CLMN: variants seen among roughly 807,000 people sequenced by gnomAD.
CLMN encodes the protein calmin (calponin-like, transmembrane).
Under a neutral mutation model 92.7 loss-of-function variants are expected in CLMN, and 57 were observed. The ratio of observed to expected loss-of-function variants is 0.61; its 90% CI spans 0.50 to 0.77. The LOEUF (loss-of-function observed/expected upper bound fraction) is 0.77. Ranked by LOEUF, CLMN falls within the 30% of genes least tolerant of loss-of-function variation. The pLI, the probability that CLMN is intolerant of heterozygous loss-of-function variation, is 0.00. For synonymous variants in CLMN, 466 were observed against 470.6 expected, an observed-to-expected ratio of 0.99 and a Z score of 0.13; for missense variants, 1,158 against 1,237.5, an observed-to-expected ratio of 0.94 and a Z score of 0.96.
In CLMN at chr14:95,189,323, G is replaced by C. The variant is rs1461210076; in HGVS notation, c.*2241C>G. 1 of 152,240 alleles carries C rather than the reference G, an allele frequency of 6.6e-6. No individual in the cohort carries two copies. Among genetic ancestry groups the C allele is most frequent in the South Asian group, 2.1e-4 (1 of 4,834 alleles). The allele number at this position is 152,240 out of a possible 1,614,324, so 9.4% of individuals were successfully genotyped here. ...AGCAGCGAGACTTAGGGGACTGCTA[G>C]TTCTTGTTAAAAGCCTTATTGTATT... is the stretch of plus-strand genomic sequence containing the variant. On this transcript the variant is annotated 3_prime_UTR_variant, in exon 13 of 13. Coordinates refer to ENST00000298912, the MANE Select transcript of CLMN (RefSeq NM_024734.4).
chr14:95,254,763 T>C (rs1898927669), intron 1 of CLMN, among the ~76,000 whole-genome samples: 1 of 152,190 alleles, frequency 6.6e-6, no homozygotes, highest in Non-Finnish European at 1.5e-5. Context: ...AGTGGTGCAA[T>C]TACGGCTCAC....
At chr14:95,232,812 T>C (rs530145016) in intron 1 of CLMN, among the ~76,000 whole-genome samples, 10 of 152,338 alleles carry the variant, frequency 6.6e-5, no homozygotes, top group African/African-American at 2.4e-4. Flanking sequence ...CTTTATTCTC[T>C]CTGATGGCTA....
intron 1 of CLMN, among the ~76,000 whole-genome samples, chr14:95,286,404 T>A (rs1900344224): frequency 6.6e-6 from 1 of 152,212 alleles, no homozygotes. Flanking sequence ...TCTGCTTCCA[T>A]TTAAATGAAG....
At chr14:95,303,754 C>T (rs1348754713) in intron 1 of CLMN, among the ~76,000 whole-genome samples, 1 of 152,314 alleles carries the variant, frequency 6.6e-6, no homozygotes, top group East Asian at 1.9e-4. Flanking sequence ...ACCCATTTAC[C>T]AGCCTCCCAT....
intron 1 of CLMN, among the ~76,000 whole-genome samples, chr14:95,268,090 C>T (rs1211068189): frequency 3.3e-5 from 5 of 152,036 alleles, no homozygotes; most frequent in Admixed American, 6.5e-5. Flanking sequence ...GGAATAAGAC[C>T]TAGTGTTCAA....
In CLMN at chr14:95,268,769, T is replaced by C. The variant is rs8007920; in HGVS notation, c.83-38636A>G. 3.4e-3 allele frequency among the ~76,000 whole-genome samples: 509 copies of C among 149,446 alleles called. 10 individuals carry two copies. Among genetic ancestry groups the C allele is most frequent in the African/African-American group, 0.012 (492 of 40,734 alleles). On this transcript the variant is annotated intron_variant, in intron 1 of 12. Coordinates refer to ENST00000298912, the MANE Select transcript of CLMN (RefSeq NM_024734.4). The stretch of plus-strand genomic sequence containing the variant: ...ACCACTGCAGAAACTAGTGAGGGTA[T>C]ACTGGGACCTCTCTCTCTCTCTCTC...
chr14:95,260,165 G>A (rs1461478427), intron 1 of CLMN, among the ~76,000 whole-genome samples: 1 of 152,198 alleles, frequency 6.6e-6, no homozygotes, highest in African/African-American at 2.4e-5. Context: ...CAAAAAGCCA[G>A]GCGCAGTGGC....
chr14:95,275,279 G>A (rs760403127), intron 1 of CLMN, among the ~76,000 whole-genome samples: 14 of 152,108 alleles, frequency 9.2e-5, no homozygotes, highest in Admixed American at 4.6e-4. Flanking sequence ...ACAGGAGGCC[G>A]GTGCAAGACA....
chr14:95,216,168 A>G (rs928607040), intron 4 of CLMN, among the ~76,000 whole-genome samples: 6 of 152,296 alleles, frequency 3.9e-5, no homozygotes, highest in East Asian at 3.9e-4. Context: ...GGGAAGCAAG[A>G]CACGTCTCAC....
chr14:95,274,925 A>G (rs914175487), intron 1 of CLMN, among the ~76,000 whole-genome samples: 1 of 150,482 alleles, frequency 6.6e-6, no homozygotes, highest in Non-Finnish European at 1.5e-5. Context: ...GGTTGCAGTG[A>G]GATGAGATAG....
intron 6 of CLMN, among the ~76,000 whole-genome samples, chr14:95,211,664 A>AC (rs1220559241): frequency 6.7e-6 from 1 of 149,974 alleles, no homozygotes; most frequent in Non-Finnish European, 1.5e-5. Flanking sequence ...AAAAAAAAAA[A>AC]AACCAAAAAC....
At chr14:95,257,539 G>A (rs935536209) in intron 1 of CLMN, among the ~76,000 whole-genome samples, 16 of 152,190 alleles carry the variant, frequency 1.1e-4, no homozygotes, top group African/African-American at 1.9e-4. Context: ...TGGGTGGGAC[G>A]GCACGCAAGC....
chr14:95,241,829 C>T (rs777764238), intron 1 of CLMN, among the ~76,000 whole-genome samples: 2 of 152,128 alleles, frequency 1.3e-5, no homozygotes, highest in Admixed American at 1.3e-4. Flanking sequence ...TCATGCACGC[C>T]TGTGTGTGTG....
intron 2 of CLMN, among the ~76,000 whole-genome samples, chr14:95,227,246 C>T (rs529238637): frequency 4.7e-4 from 71 of 152,302 alleles, no homozygotes; most frequent in African/African-American, 1.7e-3. Context: ...GTGGCATTTC[C>T]TTACCCTTTA....
chr14:95,227,981 G>T (rs950506594), intron 2 of CLMN, among the ~76,000 whole-genome samples: 7 of 152,118 alleles, frequency 4.6e-5, no homozygotes, highest in Non-Finnish European at 1.0e-4. Flanking sequence ...TCAGTTTCAG[G>T]TGCTATCTGA....
chr14:95,312,675 A>C (rs1179080827), intron 1 of CLMN, among the ~76,000 whole-genome samples: 3 of 152,136 alleles, frequency 2.0e-5, no homozygotes, highest in African/African-American at 7.2e-5. Context: ...TGGAAAGAAG[A>C]GTGATTCCTT....
rs1566856777 is a variant in CLMN at position 95,194,497 on chromosome 14, CA to C, written c.2769+38del. The C allele has an allele frequency of 7.4e-6, 12 of 1,613,850 alleles. No individual in the cohort carries two copies. Among genetic ancestry groups the C allele is most frequent in the Non-Finnish European group, 8.5e-6 (10 of 1,179,780 alleles). ...GGAAGGATGGAAAGGAATTGATTAG[CA>C]GGGGCCGTGCGGAAAGAGAAGAAAT... is the stretch of plus-strand genomic sequence containing the variant. On this transcript the variant is annotated intron_variant, in intron 11 of 12. Coordinates refer to ENST00000298912, the MANE Select transcript of CLMN (RefSeq NM_024734.4). The surrounding 1 kb of genome is among the most constrained non-coding windows in gnomAD (Gnocchi z 4.0).
intron 4 of CLMN, among the ~76,000 whole-genome samples, chr14:95,218,293 T>C (rs988212731): frequency 6.6e-6 from 1 of 152,186 alleles, no homozygotes; most frequent in Non-Finnish European, 1.5e-5. Context: ...GTTTACAATA[T>C]ACCCATTTTA....
intron 4 of CLMN, among the ~76,000 whole-genome samples, chr14:95,216,160 G>A (rs1897338781): frequency 6.6e-6 from 1 of 152,306 alleles, no homozygotes; most frequent in East Asian, 1.9e-4. Context: ...GGGCGAAGGG[G>A]AAGCAAGACA....
Sources: allele counts gnomAD v4.1 joint callset (sites outside exome capture counted in the v4.1 genomes callset), GRCh38; gene constraint gnomAD v4.1.1; non-coding constraint Gnocchi (gnomAD v3.1); transcripts MANE v1.5; gene names NCBI Gene and HGNC (gene_info 2026-07-23, HGNC 2026-07-21).